Variants in IGSF10 observed in about 807,000 individuals in gnomAD.
IGSF10 encodes the protein calvaria mechanical force protein 608.
Under a neutral mutation model 128.2 loss-of-function variants are expected in IGSF10, and 126 were observed. The observed-to-expected ratio is 0.98, with a 90% CI of 0.85 to 1.14. IGSF10 has a LOEUF of 1.14. Among genes scored for constraint, IGSF10 ranks in the 50% most tolerant of loss-of-function variants. The pLI is 0.00. For missense variants in IGSF10, 3,295 were observed against 3,149.8 expected (o/e 1.05, Z -1.10); for synonymous variants, 1,185 against 1,146.2 (o/e 1.03, Z -0.68).
chr3:151,542,048 T>A, the IGSF10 span, among the ~76,000 whole-genome samples: 2 of 152,170 alleles, frequency 1.3e-5, no homozygotes, highest in Non-Finnish European at 2.9e-5. Context: ...CGCTTAAAAA[T>A]TTCCCAGGTG....
the IGSF10 span, among the ~76,000 whole-genome samples, chr3:151,527,574 A>C: frequency 6.6e-6 from 1 of 152,236 alleles, no homozygotes; most frequent in African/African-American, 2.4e-5. Flanking sequence ...TTTAAGTCCC[A>C]GTATTAATTG....
At chr3:151,510,643 G>C in the IGSF10 span, among the ~76,000 whole-genome samples, 1 of 152,204 alleles carries the variant, frequency 6.6e-6, no homozygotes, top group Non-Finnish European at 1.5e-5. Context: ...AGAAAGGAAG[G>C]CTTCAGAAGA....
the IGSF10 span, among the ~76,000 whole-genome samples, chr3:151,607,912 GAAAAAAAAAAAAA>G: frequency 1.4e-4 from 6 of 42,046 alleles, no homozygotes; most frequent in Non-Finnish European, 2.0e-4. Context: ...CTCCATCTCG[GAAAAAAAAAAAAA>G]AAAAAAAAAA....
rs1721231826 is a variant in IGSF10, at chr3:151,446,960, G to T, written c.3021C>A (p.Phe1007Leu). Residue 1007 changes from phenylalanine (F) to leucine (L), a missense_variant, in exon 6 of 8, where the codon TTC (phenylalanine) becomes TTA (leucine). By Grantham distance (22) the Phe-to-Leu change is conservative. Coordinates refer to ENST00000282466, the MANE Select transcript of IGSF10 (RefSeq NM_178822.5). ...TTTTCCTCTGCCTCCCAAAGCGTCT[G>T]AACAGCGGGATGTTAACTGTACTAT... ...PRNSTVNIPL[F>L]RRFGRQRKIG... The T allele has an allele frequency of 1.2e-6, 2 of 1,614,098 alleles. No homozygotes were observed. The highest frequency in any genetic ancestry group is 1.7e-6 in the Non-Finnish European group (2 of 1,180,046).
the IGSF10 span, among the ~76,000 whole-genome samples, chr3:151,494,443 T>G: frequency 6.6e-6 from 1 of 152,108 alleles, no homozygotes; most frequent in African/African-American, 2.4e-5. Context: ...AAAATAATCA[T>G]AAGGCAGCCT....
the IGSF10 span, among the ~76,000 whole-genome samples, chr3:151,554,979 T>G: frequency 2.6e-5 from 4 of 152,154 alleles, no homozygotes; most frequent in Non-Finnish European, 5.9e-5. Context: ...ATAATTGATA[T>G]GGAATTTGGT....
upstream of IGSF10, among the ~76,000 whole-genome samples, chr3:151,465,315 C>T: frequency 6.6e-6 from 1 of 152,170 alleles, no homozygotes; most frequent in Admixed American, 6.5e-5. Flanking sequence ...AAGACTAAGG[C>T]AGAAGGAGCA....
the IGSF10 span, among the ~76,000 whole-genome samples, chr3:151,599,388 TG>T: frequency 7.2e-5 from 11 of 152,154 alleles, no homozygotes; most frequent in African/African-American, 2.7e-4. Context: ...AAAAATTTTT[TG>T]CAGGAAACCT....
In IGSF10 at chr3:151,437,078, C is replaced by CTT. The variant is rs779513126; in HGVS notation, c.7481_7482dup (p.Glu2495LysfsTer23). The stretch of plus-strand genomic sequence containing the variant: ...TTTCCTCTGTCATAAGCTGTTGCTT[C>CTT]TTTAATGACTAAGGTGCCATTGTCA... On this transcript the variant is annotated frameshift_variant, in exon 8 of 8. Transcript: ENST00000282466. LOFTEE classifies it low-confidence loss of function (END_TRUNC). 3 of 1,614,200 alleles carry CTT rather than the reference C, an allele frequency of 1.9e-6. No homozygotes were observed. The highest frequency in any genetic ancestry group is 3.3e-5 in the Admixed American group (2 of 60,026).
chr3:151,596,187 T>A, the IGSF10 span, among the ~76,000 whole-genome samples: 1 of 152,204 alleles, frequency 6.6e-6, no homozygotes, highest in South Asian at 2.1e-4. Flanking sequence ...CTACTGTCAC[T>A]ATTGTAAATT....
chr3:151,618,593 G>A, the IGSF10 span, among the ~76,000 whole-genome samples: 1 of 151,750 alleles, frequency 6.6e-6, no homozygotes, highest in African/African-American at 2.4e-5. Context: ...AGCCGGGCGT[G>A]GTGGTGGGTG....
chr3:151,579,822 A>G, the IGSF10 span, among the ~76,000 whole-genome samples: 15 of 93,270 alleles, frequency 1.6e-4, no homozygotes, highest in Admixed American at 2.2e-4. Flanking sequence ...TACGAAGGAA[A>G]GAAGAAAGGA....
chr3:151,443,946 G>T, intron 6 of IGSF10, 62 bp from the exon 7 acceptor site: 1 of 1,360,490 alleles, frequency 7.4e-7, no homozygotes, highest in Non-Finnish European at 1.0e-6. Flanking sequence ...AAAACATAAA[G>T]CTATCGTTTT....
chr3:151,440,372 T>C (rs1366409845), intron 7 of IGSF10, among the ~76,000 whole-genome samples: 1 of 152,140 alleles, frequency 6.6e-6, no homozygotes, highest in African/African-American at 2.4e-5. Flanking sequence ...GTATGGAAAG[T>C]ATTATAGTAA....
the IGSF10 span, among the ~76,000 whole-genome samples, chr3:151,582,984 G>T: frequency 6.6e-6 from 1 of 151,992 alleles, no homozygotes; most frequent in South Asian, 2.1e-4. Flanking sequence ...TTGCCTAGAG[G>T]TTTATTTTCT....
the IGSF10 span, among the ~76,000 whole-genome samples, chr3:151,603,351 G>A: frequency 3.3e-5 from 5 of 152,280 alleles, no homozygotes; most frequent in African/African-American, 1.2e-4. Flanking sequence ...TGGTTGTGAG[G>A]ATTAGATGAG....
At chr3:151,530,705 C>T in the IGSF10 span, among the ~76,000 whole-genome samples, 1 of 152,160 alleles carries the variant, frequency 6.6e-6, no homozygotes, top group Admixed American at 6.5e-5. Context: ...ACAAGAGCTC[C>T]TGAGGGAAGC....
chr3:151,475,852 G>A, the IGSF10 span: 3 of 159,916 alleles, frequency 1.9e-5, no homozygotes, highest in Non-Finnish European at 4.3e-5. Flanking sequence ...CTTGCTCAAG[G>A]TGTTCAGCTT....
chr3:151,518,959 T>C, the IGSF10 span, among the ~76,000 whole-genome samples: 1 of 151,958 alleles, frequency 6.6e-6, no homozygotes, highest in African/African-American at 2.4e-5. Flanking sequence ...TTGATTTATA[T>C]GTGCAAAGTG....
Sources: allele counts gnomAD v4.1 joint callset (sites outside exome capture counted in the v4.1 genomes callset), GRCh38; gene constraint gnomAD v4.1.1; transcripts MANE v1.5; gene names NCBI Gene and HGNC (gene_info 2026-07-23, HGNC 2026-07-21).